ZNF385D: variants seen among roughly 807,000 people sequenced by gnomAD.
ZNF385D encodes zinc finger protein 385D, also known as zinc finger protein 659.
A neutral mutation model predicts 35.8 loss-of-function variants in ZNF385D; 15 were observed. The observed-to-expected ratio is 0.42, with a 90% CI of 0.28 to 0.64. ZNF385D has a LOEUF of 0.64. ZNF385D is among the 30% of genes least tolerant of loss of function. The probability of loss-of-function intolerance (pLI) is 0.23; values close to 1 mark genes in which losing one functional copy is unlikely to be tolerated. For missense variants in ZNF385D, 474 were observed against 494.6 expected (o/e 0.96, Z 0.39); for synonymous variants, 212 against 186.8 (o/e 1.13, Z -1.10).
chr3:22,050,058 G>A (rs181698173), intron 3 of ZNF385D, among the ~76,000 whole-genome samples: 1 of 152,200 alleles, frequency 6.6e-6, no homozygotes, highest in Non-Finnish European at 1.5e-5. Context: ...AGAAGGATTG[G>A]TATTAGTTTA....
chr3:21,881,359 C>A (rs1698267350), intron 3 of ZNF385D, among the ~76,000 whole-genome samples: 1 of 151,940 alleles, frequency 6.6e-6, no homozygotes, highest in African/African-American at 2.4e-5. Context: ...CATCCTATGC[C>A]CTTAAGAATG....
chr3:22,187,411 G>A (rs956637919), intron 2 of ZNF385D, among the ~76,000 whole-genome samples: 1 of 151,996 alleles, frequency 6.6e-6, no homozygotes, highest in Non-Finnish European at 1.5e-5. Flanking sequence ...AATTAATTTA[G>A]AAAAATCAAC....
chr3:21,499,796 G>A (rs935967303), intron 4 of ZNF385D, among the ~76,000 whole-genome samples: 14 of 152,086 alleles, frequency 9.2e-5, no homozygotes, highest in African/African-American at 7.2e-5. Flanking sequence ...GAGCAATCAC[G>A]TAAATATAAA....
intron 2 of ZNF385D, among the ~76,000 whole-genome samples, chr3:22,290,685 T>A (rs1383886161): frequency 1.3e-5 from 2 of 152,148 alleles, no homozygotes; most frequent in South Asian, 4.1e-4. Context: ...AAGAACACTT[T>A]CCAGTCCATC....
intron 3 of ZNF385D, among the ~76,000 whole-genome samples, chr3:22,013,370 G>C (rs1043986375): frequency 3.3e-5 from 5 of 152,040 alleles, no homozygotes; most frequent in African/African-American, 7.2e-5. Context: ...ACATGATGAT[G>C]ATCACTGAGA....
chr3:21,896,604 T>G (rs910890690), intron 3 of ZNF385D, among the ~76,000 whole-genome samples: 13 of 152,084 alleles, frequency 8.5e-5, no homozygotes, highest in Non-Finnish European at 1.8e-4. Flanking sequence ...GAGCTTCCTA[T>G]TTAGGAGGTA....
At chr3:21,620,985 CAT>C (rs1024944069) in intron 2 of ZNF385D, among the ~76,000 whole-genome samples, 13 of 151,652 alleles carry the variant, frequency 8.6e-5, no homozygotes, top group Non-Finnish European at 1.3e-4. Flanking sequence ...CAGGCATGCA[CAT>C]GTGTGTGTGC....
chr3:22,337,237 A>G (rs1695212641), intron 2 of ZNF385D, among the ~76,000 whole-genome samples: 1 of 152,130 alleles, frequency 6.6e-6, no homozygotes, highest in African/African-American at 2.4e-5. Flanking sequence ...AAACAAATGC[A>G]GTTAAGATGC....
chr3:21,904,987 A>G (rs568378367), intron 3 of ZNF385D, among the ~76,000 whole-genome samples: 2 of 152,200 alleles, frequency 1.3e-5, no homozygotes, highest in South Asian at 4.1e-4. Flanking sequence ...TGAGTGAAAA[A>G]TAAACTACGA....
At chr3:21,627,749 A>G (rs1020260705) in intron 2 of ZNF385D, among the ~76,000 whole-genome samples, 2 of 152,090 alleles carry the variant, frequency 1.3e-5, no homozygotes, top group Non-Finnish European at 2.9e-5. Flanking sequence ...AGTAAGCTTT[A>G]CCCAGGAATT....
Position 21,527,940 on chromosome 3 carries a change from A to C in ZNF385D, c.277-16917T>G, listed in dbSNP as rs6767144. Among the ~76,000 whole-genome samples, 585 of 152,284 alleles carry C rather than the reference A, an allele frequency of 3.8e-3. 4 individuals carry two copies. Among genetic ancestry groups the C allele is most frequent in the African/African-American group, 0.014 (566 of 41,568 alleles). ...AAGAATATATTTTATGTATTATTTAAATGACTTTATGTAAACTTCATACTT... is the reference window on the plus strand; with the variant it reads ...AAGAATATATTTTATGTATTATTTACATGACTTTATGTAAACTTCATACTT... On this transcript the variant is annotated intron_variant, in intron 3 of 7. Transcript: ENST00000281523.
chr3:22,321,330 G>T (rs1694419366), intron 2 of ZNF385D, among the ~76,000 whole-genome samples: 1 of 151,518 alleles, frequency 6.6e-6, no homozygotes. Flanking sequence ...TTAATGGGGG[G>T]ATTCAGTCTA....
chr3:21,757,796 G>T (rs908806725), intron 3 of ZNF385D, among the ~76,000 whole-genome samples: 2 of 152,152 alleles, frequency 1.3e-5, no homozygotes, highest in African/African-American at 4.8e-5. Context: ...ACTGGTTACA[G>T]TTTATTGCTT....
chr3:22,032,984 A>C (rs1343082010), intron 3 of ZNF385D, among the ~76,000 whole-genome samples: 2 of 152,116 alleles, frequency 1.3e-5, no homozygotes, highest in African/African-American at 2.4e-5. Context: ...TTCCGTTATA[A>C]AACTCTTGCT....
At chr3:21,738,653 C>G (rs1185238977) in intron 1 of ZNF385D, among the ~76,000 whole-genome samples, 1 of 152,162 alleles carries the variant, frequency 6.6e-6, no homozygotes, top group Non-Finnish European at 1.5e-5. Context: ...CAAATATGAA[C>G]ATTTACTAAT....
At chr3:21,800,884 T>A (rs2072368245) in intron 3 of ZNF385D, among the ~76,000 whole-genome samples, 2 of 152,166 alleles carry the variant, frequency 1.3e-5, no homozygotes, top group African/African-American at 4.8e-5. Context: ...CTAATTGCTA[T>A]GTCTAGAACT....
intron 2 of ZNF385D, among the ~76,000 whole-genome samples, chr3:22,195,397 C>A (rs77992633): frequency 0.02 from 3,022 of 151,896 alleles, 57 homozygotes; most frequent in South Asian, 0.11. Flanking sequence ...TTTTTTCTTT[C>A]TAGATATAAG....
chr3:21,789,285 A>T (rs550705511), intron 3 of ZNF385D, among the ~76,000 whole-genome samples: 2 of 152,216 alleles, frequency 1.3e-5, no homozygotes, highest in African/African-American at 4.8e-5. Context: ...GCCTACAATG[A>T]TAAATCAACC....
rs1701587425 is a variant in ZNF385D, at chr3:21,437,028, G to A, written c.615C>T (p.Tyr205=). The part of the protein sequence containing the change: ...TEEEKAKRLL[Y]CSLCKVAVNS... ...TGACAGCAACCTTGCATAGCGAACA[G>A]TAAAGAAGCCGTTTTGCCTTTTCTT... is the stretch of plus-strand genomic sequence containing the variant. The change falls in exon 5 of 8, where the codon TAC becomes TAT. Residue 205 remains tyrosine, a synonymous_variant. Transcript: ENST00000281523. The A allele has an allele frequency of 2.5e-6, 4 of 1,613,980 alleles. No homozygotes were observed. The highest frequency in any genetic ancestry group is 3.4e-6 in the Non-Finnish European group (4 of 1,179,890).
Sources: gnomAD v4.1 joint callset for allele counts (sites outside exome capture counted in the v4.1 genomes callset) on GRCh38, gnomAD v4.1.1 for gene constraint, MANE v1.5 for transcripts, NCBI Gene and HGNC (gene_info 2026-07-23, HGNC 2026-07-21) for gene names.